UNC5D: variants seen among roughly 807,000 people sequenced by gnomAD.
UNC5D encodes netrin receptor UNC5D.
Under a neutral mutation model 105.4 loss-of-function variants are expected in UNC5D, and 39 were observed. The observed-to-expected ratio is 0.37, with a 90% CI of 0.29 to 0.48. The LOEUF (loss-of-function observed/expected upper bound fraction) is 0.48. Ranked by LOEUF, UNC5D falls within the 20% of genes least tolerant of loss-of-function variation. UNC5D has a pLI of 0.98. For synonymous variants in UNC5D, 452 were observed against 450.4 expected (o/e 1.00, Z -0.04); for missense variants, 991 against 1,202.4 (o/e 0.82, Z 2.60).
intron 1 of UNC5D, among the ~76,000 whole-genome samples, chr8:35,286,112 T>C (rs1443576555): frequency 6.6e-6 from 1 of 152,182 alleles, no homozygotes; most frequent in East Asian, 1.9e-4. Context: ...TTGACAACTG[T>C]TAAAAGACAT....
intron 1 of UNC5D, among the ~76,000 whole-genome samples, chr8:35,535,768 C>T (rs569863953): frequency 4.6e-5 from 7 of 152,222 alleles, no homozygotes; most frequent in South Asian, 4.1e-4. Context: ...TCTCTGCTTC[C>T]TCCTTCTCCA....
At chr8:35,701,780 G>A (rs532409405) in intron 7 of UNC5D, among the ~76,000 whole-genome samples, 14 of 151,826 alleles carry the variant, frequency 9.2e-5, no homozygotes, top group African/African-American at 3.4e-4. Flanking sequence ...GCAATTTTAT[G>A]TAGTTTCATA....
At chr8:35,306,891 T>A (rs1808461938) in intron 1 of UNC5D, among the ~76,000 whole-genome samples, 1 of 152,198 alleles carries the variant, frequency 6.6e-6, no homozygotes, top group South Asian at 2.1e-4. Flanking sequence ...TGCTGTTTCA[T>A]TGTTATTTTT....
chr8:35,241,620 T>A (rs1341691088), intron 1 of UNC5D, among the ~76,000 whole-genome samples: 3 of 152,194 alleles, frequency 2.0e-5, no homozygotes, highest in Admixed American at 2.0e-4. Flanking sequence ...GTATTCTTCT[T>A]ATATGACCAG....
At chr8:35,709,238 A>C (rs1037970784) in intron 8 of UNC5D, among the ~76,000 whole-genome samples, 1 of 152,126 alleles carries the variant, frequency 6.6e-6, no homozygotes, top group Non-Finnish European at 1.5e-5. Context: ...TCCTTCTATC[A>C]AGCTTACGTG....
intron 1 of UNC5D, among the ~76,000 whole-genome samples, chr8:35,405,629 T>C (rs1413526824): frequency 6.6e-6 from 1 of 152,198 alleles, no homozygotes; most frequent in Non-Finnish European, 1.5e-5. Context: ...TAGTCTTCAT[T>C]TGGTAATGAC....
chr8:35,558,476 T>C (rs2130739060), intron 2 of UNC5D, among the ~76,000 whole-genome samples: 1 of 152,300 alleles, frequency 6.6e-6, no homozygotes, highest in African/African-American at 2.4e-5. Context: ...TTATTCAAAA[T>C]ATGAGGGAGT....
Position 35,587,147 on chromosome 8 carries a change from G to T in UNC5D, c.467-8407G>T, listed in dbSNP as rs74330010. 6.2e-3 allele frequency among the ~76,000 whole-genome samples: 949 copies of T among 152,224 alleles called. 4 individuals carry two copies. The highest frequency in any genetic ancestry group is 0.022 in the African/African-American group (914 of 41,540). ...TCACCTCTCCCTCCTCTTCACTTCT[G>T]CTGTCTTTGATTCCAGGCATTGTGG... On this transcript the variant is annotated intron_variant, in intron 3 of 16. Coordinates refer to ENST00000404895, the MANE Select transcript of UNC5D (RefSeq NM_080872.4).
intron 1 of UNC5D, among the ~76,000 whole-genome samples, chr8:35,414,685 A>G (rs1160078359): frequency 1.3e-5 from 2 of 152,074 alleles, no homozygotes; most frequent in African/African-American, 4.8e-5. Flanking sequence ...TATTTGTCAC[A>G]TTTACCACAG....
At chr8:35,432,175 T>A (rs1464360861) in intron 1 of UNC5D, among the ~76,000 whole-genome samples, 1 of 152,134 alleles carries the variant, frequency 6.6e-6, no homozygotes, top group Admixed American at 6.6e-5. Context: ...ATAGGGAAAG[T>A]AATGCCACTT....
At chr8:35,668,353 A>C (rs551857458) in intron 4 of UNC5D, among the ~76,000 whole-genome samples, 1 of 152,260 alleles carries the variant, frequency 6.6e-6, no homozygotes, top group South Asian at 2.1e-4. Context: ...TATTGAATGC[A>C]GAATATATTT....
chr8:35,372,410 C>T (rs1466444078), intron 1 of UNC5D, among the ~76,000 whole-genome samples: 2 of 152,054 alleles, frequency 1.3e-5, no homozygotes, highest in African/African-American at 4.8e-5. Flanking sequence ...AGGCATGAGC[C>T]ACCATGCCCA....
chr8:35,511,306 T>C (rs912984386), intron 1 of UNC5D, among the ~76,000 whole-genome samples: 3 of 152,028 alleles, frequency 2.0e-5, no homozygotes, highest in Admixed American at 2.0e-4. Context: ...TAATTCTGTG[T>C]GCACTCTGAA....
intron 1 of UNC5D, among the ~76,000 whole-genome samples, chr8:35,250,787 G>A (rs1422454015): frequency 7.2e-5 from 11 of 151,994 alleles, no homozygotes; most frequent in African/African-American, 9.7e-5. Flanking sequence ...ATGAACCACC[G>A]CTCCTGGCCC....
intron 1 of UNC5D, among the ~76,000 whole-genome samples, chr8:35,438,131 A>T (rs76312460): frequency 6.6e-6 from 1 of 151,978 alleles, no homozygotes; most frequent in Non-Finnish European, 1.5e-5. Context: ...AACAAAAAAA[A>T]CCCACACAGA....
chr8:35,490,956 A>T (rs1811174654), intron 1 of UNC5D, among the ~76,000 whole-genome samples: 1 of 151,214 alleles, frequency 6.6e-6, no homozygotes, highest in African/African-American at 2.4e-5. Flanking sequence ...ATTCCTTTTC[A>T]TCATTCCTAG....
chr8:35,431,838 A>G (rs1388825101), intron 1 of UNC5D, among the ~76,000 whole-genome samples: 1 of 152,144 alleles, frequency 6.6e-6, no homozygotes, highest in East Asian at 1.9e-4. Context: ...ATTTAAAAGT[A>G]ATTTATGAAT....
intron 1 of UNC5D, among the ~76,000 whole-genome samples, chr8:35,492,288 GTTTTC>G (rs1811264372): frequency 6.6e-6 from 1 of 151,844 alleles, no homozygotes; most frequent in African/African-American, 2.4e-5. Flanking sequence ...TCTTTCATCT[GTTTTC>G]TTTTTATTTT....
chr8:35,279,793 T>C (rs1020510225), intron 1 of UNC5D, among the ~76,000 whole-genome samples: 10 of 152,164 alleles, frequency 6.6e-5, no homozygotes, highest in Non-Finnish European at 7.3e-5. Flanking sequence ...GGCTCTTCCG[T>C]TGGCAAAAGA....
Sources: allele counts gnomAD v4.1 joint callset (sites outside exome capture counted in the v4.1 genomes callset), GRCh38; gene constraint gnomAD v4.1.1; transcripts MANE v1.5; gene names NCBI Gene and HGNC (gene_info 2026-07-23, HGNC 2026-07-21).